Variants in SEC14L2 observed in about 807,000 individuals in gnomAD.
SEC14L2 encodes the protein SEC14 like lipid binding 2.
In SEC14L2, 50 loss-of-function variants were observed where a neutral mutation model predicts 56.9. The ratio of observed to expected loss-of-function variants is 0.88; its 90% CI spans 0.70 to 1.11. The LOEUF is 1.11. SEC14L2 is among the 50% of genes most tolerant of loss of function. SEC14L2 has a pLI of 0.00. For synonymous variants in SEC14L2, 179 were observed against 188.5 expected (o/e 0.95, Z 0.41); for missense variants, 414 against 500.7 (o/e 0.83, Z 1.65).
Position 30,397,083 on chromosome 22 carries a change from C to G in SEC14L2, c.-34C>G, listed in dbSNP as rs1266058399. Reference sequence around the variant, plus strand: ...ATCAGCTGCCGCACCCGCCGCCTCCCGCCCCCAAACCCCATCCCCGCGGTT... The same window carrying G: ...ATCAGCTGCCGCACCCGCCGCCTCCGGCCCCCAAACCCCATCCCCGCGGTT... On this transcript the variant is annotated 5_prime_UTR_variant, in exon 1 of 12. Coordinates refer to ENST00000615189, the MANE Select transcript of SEC14L2 (RefSeq NM_012429.5). 1 of 1,544,412 alleles carries G rather than the reference C, an allele frequency of 6.5e-7. No homozygotes were observed. The highest frequency in any genetic ancestry group is 8.8e-7 in the Non-Finnish European group (1 of 1,142,840).
chr22:30,415,813 A>C lies in SEC14L2; in HGVS notation c.719A>C (p.Glu240Ala). 1 of 1,614,146 alleles carries C rather than the reference A, an allele frequency of 6.2e-7. No individual in the cohort carries two copies. The highest frequency in any genetic ancestry group is 8.5e-7 in the Non-Finnish European group (1 of 1,180,032). ...KHISPDQVPV[E>A]YGGTMTDPDG... ...ATCAGCCCTGACCAGGTGCCTGTGG[A>C]GTATGGGGGCACCATGACTGACCCT... Residue 240 changes from glutamate to alanine, a missense_variant, in exon 9 of 12, where the codon GAG becomes GCG. Transcript: ENST00000615189.
At chr22:30,406,459 C>A (rs1353102128) in intron 3 of SEC14L2, 74 bp downstream of exon 3, 1 of 1,433,096 alleles carries the variant, frequency 7.0e-7, no homozygotes, top group Non-Finnish European at 9.8e-7. Flanking sequence ...TTTTGCCGCA[C>A]CTCCCATCCC....
Position 30,422,476 on chromosome 22 carries a change from AT to A in SEC14L2, c.*73del. ...TCAATTTCTACCCCTTGTAGCAGTCATTTTCGCACAACCCTGAAGCCCAAAG... is the reference window on the plus strand; with the variant it reads ...TCAATTTCTACCCCTTGTAGCAGTCATTTCGCACAACCCTGAAGCCCAAAG... On this transcript the variant is annotated 3_prime_UTR_variant, in exon 12 of 12. Transcript: ENST00000615189. 6.3e-7 allele frequency: 1 copy of A among 1,588,340 alleles called. No individual in the cohort carries two copies. The highest frequency in any genetic ancestry group is 8.6e-7 in the Non-Finnish European group (1 of 1,165,334).
chr22:30,411,327 G>A (rs557059198), intron 8 of SEC14L2, among the ~76,000 whole-genome samples: 10 of 152,278 alleles, frequency 6.6e-5, no homozygotes, highest in Admixed American at 6.5e-5. Context: ...TAGTCATAGA[G>A]AGGGTGCCAT....
chr22:30,401,877 C>A (rs1347440740), intron 2 of SEC14L2, among the ~76,000 whole-genome samples: 1 of 152,128 alleles, frequency 6.6e-6, no homozygotes, highest in African/African-American at 2.4e-5. Context: ...CAGGTACACA[C>A]CACTGTGACT....
intron 8 of SEC14L2, among the ~76,000 whole-genome samples, chr22:30,414,606 C>T (rs1411674032): frequency 6.6e-6 from 1 of 152,158 alleles, no homozygotes; most frequent in Non-Finnish European, 1.5e-5. Context: ...GGGCCTGGAG[C>T]TGCTGCCTAT....
At chr22:30,400,672 T>C (rs1218578240) in intron 2 of SEC14L2, among the ~76,000 whole-genome samples, 2 of 151,668 alleles carry the variant, frequency 1.3e-5, no homozygotes. Context: ...GGCGGGCAGA[T>C]CACTTGAGGC....
Position 30,416,632 on chromosome 22 carries a change from T to C in SEC14L2, c.1081+229T>C, listed in dbSNP as rs79949991. The C allele has an allele frequency of 2.4e-3, 3,481 of 1,451,228 alleles. 68 individuals are homozygous for C. The African/African-American group carries it at 0.043, about 18-fold the overall frequency. 89.9% of individuals were successfully genotyped at this position (1,451,228 alleles called of 1,614,324 possible). ...GACTTTGATCTCATACTCCTAGGTA[T>C]GGGTGAGTCACAGTCCTAGGCGATC... On this transcript the variant is annotated intron_variant, in intron 11 of 11. Coordinates refer to ENST00000615189, the MANE Select transcript of SEC14L2 (RefSeq NM_012429.5).
At chr22:30,417,317 A>G (rs747834049) in intron 11 of SEC14L2, among the ~76,000 whole-genome samples, 21 of 152,238 alleles carry the variant, frequency 1.4e-4, no homozygotes, top group Non-Finnish European at 2.8e-4. Context: ...TTTCATTTTT[A>G]CAGTATTTCT....
At chr22:30,401,553 G>A (rs551635260) in intron 2 of SEC14L2, among the ~76,000 whole-genome samples, 18 of 150,534 alleles carry the variant, frequency 1.2e-4, no homozygotes, top group East Asian at 9.7e-4. Flanking sequence ...TCACTCTGTC[G>A]CCCAGGCTGG....
intron 6 of SEC14L2, 32 bp downstream of exon 6, chr22:30,409,314 G>A: frequency 6.2e-7 from 1 of 1,605,860 alleles, no homozygotes; most frequent in Non-Finnish European, 8.5e-7. Flanking sequence ...GAAGGGGACA[G>A]AGGGAAGGGG....
Position 30,409,179 on chromosome 22 carries a change from C to T in SEC14L2, c.424-8C>T. On this transcript the variant is annotated splice_region_variant and splice_polypyrimidine_tract_variant and intron_variant, in intron 5 of 11. Coordinates refer to ENST00000615189, the MANE Select transcript of SEC14L2 (RefSeq NM_012429.5). ...CTGACAAGACTTCCTGCTCTCTGTT[C>T]CCTGCAGTTGGGGAGGAAGGTGGAG... The T allele has an allele frequency of 6.2e-7, 1 of 1,613,028 alleles. No homozygotes were observed. Among genetic ancestry groups the T allele is most frequent in the Non-Finnish European group, 8.5e-7 (1 of 1,179,104 alleles).
Position 30,415,939 on chromosome 22 carries a change from T to C in SEC14L2, c.772-9T>C. The C allele has an allele frequency of 6.2e-7, 1 of 1,614,164 alleles. No individual in the cohort carries two copies. ...GCACATTCCAGTTCACTCCATGCCATGCTTCTAGATCAACTACGGGGGTGA... is the reference window on the plus strand; with the variant it reads ...GCACATTCCAGTTCACTCCATGCCACGCTTCTAGATCAACTACGGGGGTGA... On this transcript the variant is annotated splice_polypyrimidine_tract_variant and intron_variant, in intron 9 of 11. Transcript: ENST00000615189.
intron 8 of SEC14L2, 78 bp from the exon 9 acceptor site, chr22:30,415,681 G>A: frequency 7.7e-7 from 1 of 1,293,308 alleles, no homozygotes; most frequent in Non-Finnish European, 1.1e-6. Flanking sequence ...TGCCTCTTTA[G>A]TGTAGACCAC....
At chr22:30,415,909 C>A in intron 9 of SEC14L2, 39 bp from the exon 10 acceptor site, 1 of 1,614,126 alleles carries the variant, frequency 6.2e-7, no homozygotes, top group Non-Finnish European at 8.5e-7. Context: ...ATGCCTGGCT[C>A]AAATGCACAT....
At position 30,399,091 on chromosome 22, in the gene SEC14L2, T is replaced by C. The variant is rs182209997; in HGVS notation, c.55-552T>C. On this transcript the variant is annotated intron_variant, in intron 1 of 11. Coordinates refer to ENST00000615189, the MANE Select transcript of SEC14L2 (RefSeq NM_012429.5). Reference sequence around the variant, plus strand: ...CCCGCAGACTGGTGTGTGGGAGCCCTTGTTGTGGGGCAGGGGCAGTGTCTC... The same window carrying C: ...CCCGCAGACTGGTGTGTGGGAGCCCCTGTTGTGGGGCAGGGGCAGTGTCTC... 8.5e-5 allele frequency among the ~76,000 whole-genome samples: 13 copies of C among 152,226 alleles called. No homozygotes were observed. In the East Asian group the frequency reaches 2.3e-3, roughly 27 times the overall value.
intron 8 of SEC14L2, among the ~76,000 whole-genome samples, chr22:30,414,031 A>G (rs1480704548): frequency 1.3e-5 from 2 of 151,954 alleles, no homozygotes; most frequent in Non-Finnish European, 2.9e-5. Context: ...GGAGCTCACT[A>G]TGTTGCCCAG....
Position 30,407,584 on chromosome 22 carries a change from G to A in SEC14L2, c.404G>A (p.Cys135Tyr), listed in dbSNP as rs1354059500. The A allele has an allele frequency of 1.2e-6, 2 of 1,613,942 alleles. No individual in the cohort carries two copies. The highest frequency in any genetic ancestry group is 4.5e-5 in the East Asian group (2 of 44,886). ...GAGTGTGAGCTGCTTCTGCAAGAGT[G>A]TGCCCACCAGACCACAAAGGTGAGT... is the stretch of plus-strand genomic sequence containing the variant. ...MRECELLLQE[C>Y]AHQTTKLGRK... Residue 135 changes from cysteine (C) to tyrosine (Y), a missense_variant, in exon 5 of 12, where the codon TGT (cysteine) becomes TAT (tyrosine). By Grantham distance (194) the Cys-to-Tyr change is radical. Coordinates refer to ENST00000615189, the MANE Select transcript of SEC14L2 (RefSeq NM_012429.5).
intron 11 of SEC14L2, among the ~76,000 whole-genome samples, chr22:30,420,083 A>G (rs1208983772): frequency 1.3e-5 from 2 of 151,560 alleles, no homozygotes; most frequent in South Asian, 2.1e-4. Context: ...CCTCCCAAGT[A>G]GCTGGGATTA....
Sources: gnomAD v4.1 joint callset for allele counts (sites outside exome capture counted in the v4.1 genomes callset) on GRCh38, gnomAD v4.1.1 for gene constraint, MANE v1.5 for transcripts, NCBI Gene and HGNC (gene_info 2026-07-23, HGNC 2026-07-21) for gene names.